Variants in CHD2 observed in about 807,000 individuals in gnomAD.
The protein encoded by CHD2 is ATP-dependent chromatin remodeler CHD2.
A neutral mutation model predicts 243.9 loss-of-function variants in CHD2; 28 were observed. The ratio of observed to expected loss-of-function variants is 0.11; its 90% CI spans 0.09 to 0.16. The LOEUF (loss-of-function observed/expected upper bound fraction) is 0.16. Among genes scored for constraint, CHD2 ranks in the 10% least tolerant of loss-of-function variants. The pLI, the probability that CHD2 is intolerant of heterozygous loss-of-function variation, is 1.00. For missense variants in CHD2, 1,386 were observed against 2,209.8 expected (o/e 0.63, Z 7.47); for synonymous variants, 775 against 779.0 (o/e 0.99, Z 0.09).
rs1019049055 is a variant in CHD2 at position 92,927,121 on chromosome 15, A to G, written c.295-123A>G. 722 of 695,412 alleles carry G rather than the reference A, an allele frequency of 1.0e-3. 2 individuals are homozygous for G. The highest frequency in any genetic ancestry group is 9.3e-5 in the Non-Finnish European group (38 of 406,594). 43.1% of individuals were successfully genotyped at this position (695,412 alleles called of 1,614,324 possible). ...AATGGCGCTTTATTGTCTCATAAAT[A>G]GAACTAGCAAAACAACCCTTTTGAT... On this transcript the variant is annotated intron_variant, in intron 3 of 38. Coordinates refer to ENST00000394196, the MANE Select transcript of CHD2 (RefSeq NM_001271.4).
rs781504928 is a variant in CHD2 at position 92,943,032 on chromosome 15, A to G, written c.1016A>G (p.Glu339Gly). 1 of 1,614,002 alleles carries G rather than the reference A, an allele frequency of 6.2e-7. No homozygotes were observed. The highest frequency in any genetic ancestry group is 8.5e-7 in the Non-Finnish European group (1 of 1,179,880). The change falls in exon 9 of 39, where the codon GAG (glutamate) becomes GGG (glycine). Residue 339 changes from glutamate to glycine, a missense_variant. Around this residue, in one of 19 missense-constraint regions of CHD2, gnomAD observed 200 missense variants for 292.5 expected, o/e 0.68. Coordinates refer to ENST00000394196, the MANE Select transcript of CHD2 (RefSeq NM_001271.4). Reference protein sequence around the residue: ...QQKVKGLKKLENFKKKEDEIK... With the variant: ...QQKVKGLKKLGNFKKKEDEIK... Reference sequence around the variant, plus strand: ...AAAGTGAAGGGCCTAAAAAAACTAGAGAACTTCAAGAAAAAAGAGGACGAA... The same window carrying G: ...AAAGTGAAGGGCCTAAAAAAACTAGGGAACTTCAAGAAAAAAGAGGACGAA...
chr15:92,936,973 G>C (rs2053277478), intron 5 of CHD2, among the ~76,000 whole-genome samples: 1 of 152,086 alleles, frequency 6.6e-6, no homozygotes, highest in African/African-American at 2.4e-5. Flanking sequence ...CGCCTCCTCA[G>C]CCTCCTTAGT....
chr15:93,014,560 T>C lies in CHD2; in HGVS notation c.4693-136T>C, dbSNP rs1054563543. 9.9e-6 allele frequency: 7 copies of C among 704,774 alleles called. No homozygotes were observed. The African/African-American group carries it at 1.3e-4, about 13-fold the overall frequency. The allele number at this position is 704,774 out of a possible 1,614,324, so 43.7% of individuals were successfully genotyped here. On this transcript the variant is annotated intron_variant, in intron 36 of 38. Transcript: ENST00000394196. ...CAGTGGAATTTATGAGCCTTTTTTT[T>C]GTTAGGAGGTAGTAAACGCCAGTTC...
At chr15:92,907,238 A>C (rs2052640440) in intron 2 of CHD2, among the ~76,000 whole-genome samples, 1 of 152,232 alleles carries the variant, frequency 6.6e-6, no homozygotes, top group Middle Eastern at 3.2e-3. Flanking sequence ...GATGGAGGAC[A>C]TAGATATGTG....
At chr15:92,904,481 G>A in intron 2 of CHD2, 2 of 989,638 alleles carry the variant, frequency 2.0e-6, no homozygotes, top group Non-Finnish European at 2.4e-6. Flanking sequence ...CCAGGGAGCC[G>A]CACGCCGAGG....
intron 13 of CHD2, among the ~76,000 whole-genome samples, chr15:92,952,072 C>G (rs1436985533): frequency 6.6e-6 from 1 of 152,190 alleles, no homozygotes; most frequent in African/African-American, 2.4e-5. Flanking sequence ...TGTTTGCAAT[C>G]TGATGTCTTA....
chr15:92,948,482 G>T (rs1272637311), intron 12 of CHD2, among the ~76,000 whole-genome samples: 1 of 152,142 alleles, frequency 6.6e-6, no homozygotes, highest in African/African-American at 2.4e-5. Flanking sequence ...TCTGGCTTAT[G>T]GAATATTAAC....
intron 5 of CHD2, among the ~76,000 whole-genome samples, chr15:92,935,282 C>T (rs191607081): frequency 1.6e-3 from 237 of 152,250 alleles, no homozygotes; most frequent in African/African-American, 5.4e-3. Flanking sequence ...GTGATCCGCC[C>T]GCCTCGGCCT....
At chr15:93,011,860 T>C (rs935340732) in intron 35 of CHD2, among the ~76,000 whole-genome samples, 1 of 152,102 alleles carries the variant, frequency 6.6e-6, no homozygotes, top group Non-Finnish European at 1.5e-5. Context: ...ACCAACTGAA[T>C]GGAGGCCACA....
At chr15:92,960,033 T>C (rs2053665085) in intron 16 of CHD2, among the ~76,000 whole-genome samples, 2 of 152,230 alleles carry the variant, frequency 1.3e-5, no homozygotes, top group South Asian at 4.1e-4. Context: ...TTTATTTAGA[T>C]CTTCTATAAT....
chr15:92,910,836 A>G (rs908107860), intron 2 of CHD2, among the ~76,000 whole-genome samples: 1 of 152,170 alleles, frequency 6.6e-6, no homozygotes, highest in Non-Finnish European at 1.5e-5. Context: ...ACATTCTGAG[A>G]AGTATGTCGT....
intron 3 of CHD2, 76 bp downstream of exon 3, chr15:92,924,628 C>A: frequency 8.0e-7 from 1 of 1,257,728 alleles, no homozygotes; most frequent in South Asian, 1.2e-5. Context: ...TTCATGAAAA[C>A]TCATTAGTAT....
intron 34 of CHD2, among the ~76,000 whole-genome samples, chr15:93,007,119 C>T (rs550712978): frequency 1.2e-3 from 186 of 152,280 alleles, no homozygotes; most frequent in Non-Finnish European, 1.7e-3. Flanking sequence ...ATTAGATACT[C>T]GAGTTCCTCT....
At chr15:92,932,539 C>T (rs1433443712) in intron 5 of CHD2, among the ~76,000 whole-genome samples, 3 of 147,524 alleles carry the variant, frequency 2.0e-5, no homozygotes, top group Non-Finnish European at 3.0e-5. Context: ...TGAGAACGTG[C>T]GGTGTTTGGT....
chr15:92,988,442 T>C (rs1243633755), intron 26 of CHD2, among the ~76,000 whole-genome samples: 1 of 152,194 alleles, frequency 6.6e-6, no homozygotes, highest in Non-Finnish European at 1.5e-5. Flanking sequence ...AATGCATGTA[T>C]ACTGTTTTTA....
At chr15:93,013,764 A>G (rs779967868) in intron 36 of CHD2, among the ~76,000 whole-genome samples, 17 of 151,940 alleles carry the variant, frequency 1.1e-4, no homozygotes, top group Non-Finnish European at 2.4e-4. Flanking sequence ...ATGAAGCCTC[A>G]TCTCTACATA....
At position 93,027,309 on chromosome 15, in the gene CHD2, T is replaced by A. The variant is rs184622050; in HGVS notation, c.*2604T>A. On this transcript the variant is annotated 3_prime_UTR_variant, in exon 39 of 39. Coordinates refer to ENST00000394196, the MANE Select transcript of CHD2 (RefSeq NM_001271.4). ...TGGCTTTGAAAGATTTCATTGTTGG[T>A]AGAAATAACAGGTTGAGAAAGAGGG... 2.6e-5 allele frequency: 4 copies of A among 152,318 alleles called. No homozygotes were observed. Among genetic ancestry groups the A allele is most frequent in the Non-Finnish European group, 5.9e-5 (4 of 68,034 alleles). 9.4% of individuals were successfully genotyped at this position (152,318 alleles called of 1,614,324 possible). A position where few individuals can be genotyped will look rare whatever the true frequency, so the allele number is the denominator to read the frequency against.
intron 2 of CHD2, among the ~76,000 whole-genome samples, chr15:92,917,780 TACAC>T (rs1048673991): frequency 5.3e-5 from 8 of 152,194 alleles, no homozygotes; most frequent in Non-Finnish European, 1.0e-4. Context: ...GGTGATATCT[TACAC>T]ACGCACATAC....
chr15:92,988,805 T>C (rs1309306660), intron 26 of CHD2, among the ~76,000 whole-genome samples: 1 of 152,146 alleles, frequency 6.6e-6, no homozygotes, highest in Non-Finnish European at 1.5e-5. Flanking sequence ...AGAATTTCTA[T>C]TTCACTCTTT....
Sources: gnomAD v4.1 joint callset for allele counts (sites outside exome capture counted in the v4.1 genomes callset) on GRCh38, gnomAD v4.1.1 for gene constraint, gnomAD v4.1.1 regional missense constraint, MANE v1.5 for transcripts, NCBI Gene and HGNC (gene_info 2026-07-23, HGNC 2026-07-21) for gene names.